TMEM232: variants seen among roughly 807,000 people sequenced by gnomAD.
TMEM232 encodes transmembrane protein 232.
In TMEM232, 80 loss-of-function variants were observed where a neutral mutation model predicts 78.8. That is an observed-to-expected ratio of 1.01 (90% CI 0.85 to 1.22). The LOEUF (loss-of-function observed/expected upper bound fraction) is 1.22. TMEM232 is among the 50% of genes most tolerant of loss of function. The pLI is 0.00. For missense variants in TMEM232, 881 were observed against 742.2 expected, an observed-to-expected ratio of 1.19 and a Z score of -2.17; for synonymous variants, 297 against 254.3, an observed-to-expected ratio of 1.17 and a Z score of -1.60.
intron 12 of TMEM232, among the ~76,000 whole-genome samples, chr5:110,439,080 A>G (rs755169330): frequency 1.3e-5 from 2 of 152,172 alleles, no homozygotes; most frequent in African/African-American, 2.4e-5. Context: ...ATACCTGACT[A>G]TAGTTCAAAC....
intron 8 of TMEM232, among the ~76,000 whole-genome samples, chr5:110,615,220 G>A (rs1475161110): frequency 6.6e-6 from 1 of 151,908 alleles, no homozygotes; most frequent in African/African-American, 2.4e-5. Flanking sequence ...CATAAAGAAT[G>A]TTGCAGACTT....
intron 12 of TMEM232, among the ~76,000 whole-genome samples, chr5:110,456,410 A>C (rs1319816106): frequency 1.3e-5 from 2 of 152,136 alleles, no homozygotes; most frequent in Non-Finnish European, 2.9e-5. Context: ...AGATCTAAAT[A>C]AAAGAGGTGT....
At chr5:110,620,398 A>C (rs958463862) in intron 7 of TMEM232, among the ~76,000 whole-genome samples, 4 of 152,180 alleles carry the variant, frequency 2.6e-5, no homozygotes, top group African/African-American at 9.7e-5. Context: ...TCTGCCACCC[A>C]CAAAATACAT....
chr5:110,642,305 CT>C lies in TMEM232; in HGVS notation c.191del (p.Lys64ArgfsTer7). 1 of 1,538,776 alleles carries C rather than the reference CT, an allele frequency of 6.5e-7. No individual in the cohort carries two copies. Among genetic ancestry groups the C allele is most frequent in the African/African-American group, 1.4e-5 (1 of 72,296 alleles). On this transcript the variant is annotated frameshift_variant, in exon 3 of 14. Coordinates refer to ENST00000455884, the MANE Select transcript of TMEM232 (RefSeq NM_001039763.4). LOFTEE classifies it high-confidence loss of function. ...TTCTAGCTAGTTCCAACAATTCTTC[CT>C]TCTCTTTGGAATTTTGTGTTTGATT... Reference protein sequence around the residue: ...RFNQTQNSKEKEELLELARKI... With the variant: ...RFNQTQNSKEXEELLELARKI...
Position 110,522,208 on chromosome 5 carries a change from TTATC to T in TMEM232, c.1703+6376_1703+6379del, listed in dbSNP as rs528582837. ...TTGTAAATGTAACTGTTTTCCTAAT[TTATC>T]TATCGTATAGCTCACTGTTAGTGTA... On this transcript the variant is annotated intron_variant, in intron 12 of 13. Coordinates refer to ENST00000455884, the MANE Select transcript of TMEM232 (RefSeq NM_001039763.4). Among the ~76,000 whole-genome samples, 318 of 152,304 alleles carry T rather than the reference TTATC, an allele frequency of 2.1e-3. 2 individuals are homozygous for T. The highest frequency in any genetic ancestry group is 3.8e-3 in the Non-Finnish European group (258 of 67,986).
chr5:110,537,854 C>T (rs73783623), intron 11 of TMEM232, among the ~76,000 whole-genome samples: 4,426 of 152,306 alleles, frequency 0.029, 72 homozygotes, highest in African/African-American at 0.047. Flanking sequence ...TTGGCCTTAG[C>T]CGTTGCTCTC....
intron 1 of TMEM232, among the ~76,000 whole-genome samples, chr5:110,711,358 G>A (rs2150313639): frequency 6.6e-6 from 1 of 152,202 alleles, no homozygotes. Context: ...CAGATTCAAT[G>A]CAATCCCTAT....
intron 2 of TMEM232, among the ~76,000 whole-genome samples, chr5:110,408,241 A>T (rs774225679): frequency 5.9e-5 from 9 of 152,158 alleles, no homozygotes; most frequent in Non-Finnish European, 1.2e-4. Flanking sequence ...CAAACCAATT[A>T]GTAGAAGGAA....
intron 7 of TMEM232, 82 bp downstream of exon 7, chr5:110,625,185 T>A: frequency 7.5e-7 from 1 of 1,338,670 alleles, no homozygotes; most frequent in Non-Finnish European, 9.8e-7. Flanking sequence ...TCTACTGTAT[T>A]GATAAGCACC....
At chr5:110,608,695 T>C (rs1781807186) in intron 8 of TMEM232, among the ~76,000 whole-genome samples, 1 of 151,144 alleles carries the variant, frequency 6.6e-6, no homozygotes, top group African/African-American at 2.5e-5. Context: ...CAAAATTATC[T>C]GTGAATGAAA....
chr5:110,598,898 T>C (rs1780530749), intron 10 of TMEM232, among the ~76,000 whole-genome samples: 2 of 146,436 alleles, frequency 1.4e-5, no homozygotes, highest in Non-Finnish European at 3.0e-5. Flanking sequence ...CATTAGGAGA[T>C]ATACCTAATG....
At chr5:110,715,085 A>G (rs186072398) in intron 1 of TMEM232, among the ~76,000 whole-genome samples, 1 of 152,300 alleles carries the variant, frequency 6.6e-6, no homozygotes, top group East Asian at 1.9e-4. Context: ...TTCAAAGAAT[A>G]TAAATAACTT....
chr5:110,550,133 A>G (rs1774272768), intron 11 of TMEM232, among the ~76,000 whole-genome samples: 1 of 152,220 alleles, frequency 6.6e-6, no homozygotes, highest in Non-Finnish European at 1.5e-5. Context: ...CAGGAATGCA[A>G]TGATTGGTCA....
chr5:110,554,277 C>T (rs1774811144), intron 11 of TMEM232, among the ~76,000 whole-genome samples: 1 of 152,058 alleles, frequency 6.6e-6, no homozygotes, highest in Admixed American at 6.6e-5. Context: ...GAGAGACTGA[C>T]CTAGCCTCCC....
rs146903838 is a variant in TMEM232, at chr5:110,538,577, C to T, written c.1456-9742G>A. On this transcript the variant is annotated intron_variant, in intron 11 of 13. Coordinates refer to ENST00000455884, the MANE Select transcript of TMEM232 (RefSeq NM_001039763.4). Reference sequence around the variant, plus strand: ...AGGACTGTACTAAGCCCTCACCAGGCCCCTGTCAAAAATGTGAGGGCACCA... The same window carrying T: ...AGGACTGTACTAAGCCCTCACCAGGTCCCTGTCAAAAATGTGAGGGCACCA... 1.5e-3 allele frequency among the ~76,000 whole-genome samples: 234 copies of T among 152,258 alleles called. 1 individual carries two copies. The highest frequency in any genetic ancestry group is 5.5e-3 in the African/African-American group (229 of 41,566).
At chr5:110,517,164 A>G (rs1246667345) in intron 12 of TMEM232, among the ~76,000 whole-genome samples, 4 of 152,194 alleles carry the variant, frequency 2.6e-5, no homozygotes, top group Non-Finnish European at 4.4e-5. Flanking sequence ...TTCAGGGATG[A>G]AAAAGAACTG....
intron 12 of TMEM232, among the ~76,000 whole-genome samples, chr5:110,483,024 T>C (rs1218328863): frequency 6.6e-6 from 1 of 152,220 alleles, no homozygotes; most frequent in Non-Finnish European, 1.5e-5. Flanking sequence ...TACATAAGTA[T>C]AAAAGTATAA....
intron 11 of TMEM232, among the ~76,000 whole-genome samples, chr5:110,548,453 T>C (rs529448984): frequency 1.7e-3 from 255 of 151,160 alleles, no homozygotes; most frequent in African/African-American, 5.7e-3. Flanking sequence ...ACATTAAATT[T>C]TAATAATTCA....
intron 10 of TMEM232, among the ~76,000 whole-genome samples, chr5:110,594,394 C>A (rs1014549041): frequency 1.3e-5 from 2 of 152,154 alleles, no homozygotes; most frequent in African/African-American, 4.8e-5. Flanking sequence ...TGGGCAGACA[C>A]TGAGCTAGCT....
Sources: allele counts gnomAD v4.1 joint callset (sites outside exome capture counted in the v4.1 genomes callset), GRCh38; gene constraint gnomAD v4.1.1; transcripts MANE v1.5; gene names NCBI Gene and HGNC (gene_info 2026-07-23, HGNC 2026-07-21).